Variants in RSPO4 observed in about 807,000 individuals in gnomAD.
RSPO4 encodes the protein R-spondin-4.
A neutral mutation model predicts 24.8 loss-of-function variants in RSPO4; 23 were observed. The observed-to-expected ratio is 0.93, with a 90% CI of 0.67 to 1.31. The LOEUF is 1.31. RSPO4 is among the 40% of genes most tolerant of loss of function. RSPO4 has a pLI of 0.00. For synonymous variants in RSPO4, 141 were observed against 127.4 expected (o/e 1.11, Z -0.72); for missense variants, 333 against 316.5 (o/e 1.05, Z -0.39).
intron 1 of RSPO4, among the ~76,000 whole-genome samples, chr20:976,950 G>T (rs1984584535): frequency 6.6e-6 from 1 of 152,128 alleles, no homozygotes; most frequent in Non-Finnish European, 1.5e-5. Flanking sequence ...GGCAGTGAGT[G>T]GTTAGAGTTA....
intron 1 of RSPO4, among the ~76,000 whole-genome samples, chr20:983,189 A>C: frequency 6.6e-6 from 1 of 152,164 alleles, no homozygotes; most frequent in Non-Finnish European, 1.5e-5. Context: ...CAGGGCTAGG[A>C]ATTAGGACCT....
rs1985467581 is a variant in RSPO4 at position 1,001,677 on chromosome 20, C to T, written c.79+409G>A. Among the ~76,000 whole-genome samples, 4 of 152,116 alleles carry T rather than the reference C, an allele frequency of 2.6e-5. No homozygotes were observed. The South Asian group carries it at 8.3e-4, about 32-fold the overall frequency. ...GGACTGGGGCCTCTGGACGCCCAGC[C>T]CAAGGCTCTCTATGTCACTTCCTGG... On this transcript the variant is annotated intron_variant, in intron 1 of 4. Coordinates refer to ENST00000217260, the MANE Select transcript of RSPO4 (RefSeq NM_001029871.4).
chr20:1,001,011 C>T lies in RSPO4; in HGVS notation c.79+1075G>A, dbSNP rs372509124. On this transcript the variant is annotated intron_variant, in intron 1 of 4. Coordinates refer to ENST00000217260, the MANE Select transcript of RSPO4 (RefSeq NM_001029871.4). ...CCCATCCTCTCTCATTTTCCTTCCC[C>T]TTTATCCTTGCTCAGACCCGATGCC... Among the ~76,000 whole-genome samples, 198 of 152,344 alleles carry T rather than the reference C, an allele frequency of 1.3e-3. 1 individual carries two copies. The highest frequency in any genetic ancestry group is 4.5e-3 in the African/African-American group (186 of 41,564).
chr20:992,040 G>T (rs1897349383), intron 1 of RSPO4, among the ~76,000 whole-genome samples: 1 of 142,868 alleles, frequency 7.0e-6, no homozygotes, highest in Non-Finnish European at 1.6e-5. Flanking sequence ...AGGGGACGAG[G>T]AAGTAAAAGC....
intron 1 of RSPO4, among the ~76,000 whole-genome samples, chr20:991,313 G>A (rs1211367250): frequency 6.6e-6 from 1 of 152,022 alleles, no homozygotes; most frequent in Admixed American, 6.6e-5. Flanking sequence ...CCATAAGGCA[G>A]AACAAGCCCC....
At chr20:994,310 G>A (rs1985204091) in intron 1 of RSPO4, among the ~76,000 whole-genome samples, 1 of 152,188 alleles carries the variant, frequency 6.6e-6, no homozygotes, top group Non-Finnish European at 1.5e-5. Flanking sequence ...CCCCAGGGCT[G>A]TTCTATGTCC....
At position 1,002,003 on chromosome 20, in the gene RSPO4, C is replaced by T; in HGVS notation, c.79+83G>A. The T allele has an allele frequency of 8.1e-7, 1 of 1,240,278 alleles. No homozygotes were observed. Among genetic ancestry groups the T allele is most frequent in the South Asian group, 1.3e-5 (1 of 77,840 alleles). The allele number at this position is 1,240,278 out of a possible 1,614,324, so 76.8% of individuals were successfully genotyped here. ...GGCGCCAGGCACCAGGCAGATGCCC[C>T]CAGAGCCGCCGCCCCCGGTCCTCCG... is the stretch of plus-strand genomic sequence containing the variant. On this transcript the variant is annotated intron_variant, in intron 1 of 4. Transcript: ENST00000217260. The surrounding 1 kb of genome is among the most constrained non-coding windows in gnomAD (Gnocchi z 4.6).
chr20:1,001,538 A>G (rs1985461542), intron 1 of RSPO4, among the ~76,000 whole-genome samples: 1 of 152,180 alleles, frequency 6.6e-6, no homozygotes, highest in Non-Finnish European at 1.5e-5. Flanking sequence ...CCCTATTAGA[A>G]TAAGTGAACC....
At chr20:999,192 T>C (rs954329893) in intron 1 of RSPO4, among the ~76,000 whole-genome samples, 10 of 152,020 alleles carry the variant, frequency 6.6e-5, no homozygotes, top group African/African-American at 2.4e-4. Context: ...AGACAAAAAA[T>C]GTATTTTTTG....
intron 1 of RSPO4, among the ~76,000 whole-genome samples, chr20:980,102 C>T (rs183053841): frequency 5.4e-4 from 82 of 152,268 alleles, no homozygotes; most frequent in African/African-American, 1.9e-3. Flanking sequence ...CATTTAGGTG[C>T]TATTATCACA....
chr20:961,608 G>T (rs529567234), intron 4 of RSPO4, among the ~76,000 whole-genome samples: 1 of 152,264 alleles, frequency 6.6e-6, no homozygotes, highest in South Asian at 2.1e-4. Context: ...ACTCTGAGCT[G>T]CAGAGCTGAC....
intron 1 of RSPO4, among the ~76,000 whole-genome samples, chr20:972,994 C>T (rs1053007454): frequency 3.3e-5 from 5 of 152,250 alleles, no homozygotes; most frequent in Non-Finnish European, 7.3e-5. Flanking sequence ...CACACCCTGA[C>T]ATGGCGTTGC....
At chr20:988,407 C>T (rs1373897873) in intron 1 of RSPO4, among the ~76,000 whole-genome samples, 1 of 152,140 alleles carries the variant, frequency 6.6e-6, no homozygotes, top group Non-Finnish European at 1.5e-5. Flanking sequence ...CTGGACGAGG[C>T]TGGCAGCTAT....
chr20:973,660 G>T (rs2122227303), intron 1 of RSPO4, among the ~76,000 whole-genome samples: 1 of 152,248 alleles, frequency 6.6e-6, no homozygotes, highest in South Asian at 2.1e-4. Context: ...ATTTTTAGTA[G>T]AGACGGGGTT....
chr20:970,754 A>G lies in RSPO4; in HGVS notation c.80-2616T>C, dbSNP rs1984380470. Among the ~76,000 whole-genome samples the G allele has an allele frequency of 6.6e-6, 1 of 152,224 alleles. No homozygotes were observed. The highest frequency in any genetic ancestry group is 2.1e-4 in the South Asian group (1 of 4,828). ...GAGGAAACCTTCGCTTTTTCACCTT[A>G]GATAGGAGTGTAAACTTCGGGGAAA... On this transcript the variant is annotated intron_variant, in intron 1 of 4. Coordinates refer to ENST00000217260, the MANE Select transcript of RSPO4 (RefSeq NM_001029871.4). The surrounding 1 kb of genome is among the most constrained non-coding windows in gnomAD (Gnocchi z 4.1).
intron 1 of RSPO4, among the ~76,000 whole-genome samples, chr20:983,520 G>A (rs1459076623): frequency 1.3e-5 from 2 of 152,128 alleles, no homozygotes; most frequent in Non-Finnish European, 2.9e-5. Context: ...CTGAGAGCTT[G>A]GATACCCCCT....
intron 1 of RSPO4, among the ~76,000 whole-genome samples, chr20:978,836 C>T (rs1186528482): frequency 6.6e-6 from 1 of 152,174 alleles, no homozygotes; most frequent in African/African-American, 2.4e-5. Flanking sequence ...ATATTGTACT[C>T]ATTTGGTAGA....
rs1984372814 is a variant in RSPO4, at chr20:970,478, C to T, written c.80-2340G>A. Among the ~76,000 whole-genome samples, 1 of 152,088 alleles carries T rather than the reference C, an allele frequency of 6.6e-6. No individual in the cohort carries two copies. Among genetic ancestry groups the T allele is most frequent in the East Asian group, 1.9e-4 (1 of 5,180 alleles). On this transcript the variant is annotated intron_variant, in intron 1 of 4. Transcript: ENST00000217260. This position sits in a 1 kb window ranked among gnomAD's most constrained non-coding sequence, Gnocchi z 4.1. ...TGTACCCTGGGATGCTGTTCCCAAG[C>T]AAAGTTGGCATTGCCCTCAATTTTC... is the stretch of plus-strand genomic sequence containing the variant.
intron 1 of RSPO4, among the ~76,000 whole-genome samples, chr20:992,824 G>A (rs759272646): frequency 7.2e-5 from 11 of 152,156 alleles, no homozygotes; most frequent in Non-Finnish European, 1.3e-4. Flanking sequence ...CCAGCAATGC[G>A]TTTGTCTATG....
Sources: allele counts gnomAD v4.1 joint callset (sites outside exome capture counted in the v4.1 genomes callset), GRCh38; gene constraint gnomAD v4.1.1; non-coding constraint Gnocchi (gnomAD v3.1); transcripts MANE v1.5; gene names NCBI Gene and HGNC (gene_info 2026-07-23, HGNC 2026-07-21).